Variants in NRXN2 observed in about 807,000 individuals in gnomAD.
The protein encoded by NRXN2 is neurexin-2-beta.
In NRXN2, 29 loss-of-function variants were observed where a neutral mutation model predicts 128.8. The ratio of observed to expected loss-of-function variants is 0.23; its 90% CI spans 0.17 to 0.31. NRXN2 has a LOEUF of 0.31. Ranked by LOEUF, NRXN2 falls within the 10% of genes least tolerant of loss-of-function variation. NRXN2 has a pLI of 1.00. For missense variants in NRXN2, 1,881 were observed against 2,452.6 expected (o/e 0.77, Z 4.92); for synonymous variants, 1,098 against 1,075.2 (o/e 1.02, Z -0.41).
intron 7 of NRXN2, among the ~76,000 whole-genome samples, chr11:64,673,051 C>A (rs542735603): frequency 6.9e-4 from 105 of 152,270 alleles, no homozygotes; most frequent in Non-Finnish European, 1.2e-3. Flanking sequence ...ACTCTGAGCA[C>A]CAAATGAGAA....
chr11:64,636,657 G>A (rs1259346736), intron 17 of NRXN2, among the ~76,000 whole-genome samples: 4 of 152,044 alleles, frequency 2.6e-5, no homozygotes, highest in Middle Eastern at 3.2e-3. Context: ...AAACAGATGA[G>A]GCCTAAGGGC....
chr11:64,669,309 C>G (rs2050318007), intron 7 of NRXN2, among the ~76,000 whole-genome samples: 1 of 152,176 alleles, frequency 6.6e-6, no homozygotes, highest in African/African-American at 2.4e-5. Context: ...CTCCTCAGGT[C>G]TCCTTATATT....
chr11:64,691,934 C>T (rs61884413), intron 4 of NRXN2, among the ~76,000 whole-genome samples: 17,238 of 152,216 alleles, frequency 0.11, 1,291 homozygotes, highest in Non-Finnish European at 0.15. Context: ...CTGAATTGGG[C>T]AGGTCCAACA....
chr11:64,704,433 T>G (rs937215082), intron 2 of NRXN2, among the ~76,000 whole-genome samples: 4 of 152,106 alleles, frequency 2.6e-5, no homozygotes, highest in Non-Finnish European at 5.9e-5. Flanking sequence ...ATAGGAGTCA[T>G]GGAGCTGTAA....
Position 64,635,862 on chromosome 11 carries a change from T to A in NRXN2, c.3404-410A>T, listed in dbSNP as rs1456814672. 6.6e-6 allele frequency among the ~76,000 whole-genome samples: 1 copy of A among 151,994 alleles called. No individual in the cohort carries two copies. Among genetic ancestry groups the A allele is most frequent in the Non-Finnish European group, 1.5e-5 (1 of 67,972 alleles). On this transcript the variant is annotated intron_variant, in intron 17 of 22. Transcript: ENST00000265459. The surrounding 1 kb of genome is among the most constrained non-coding windows in gnomAD (Gnocchi z 4.8). ...GCAGAGGTGACAGATCCAAGGTGTG[T>A]GCTTCTTTGGGGCCAGAGCTAAGCA... is the stretch of plus-strand genomic sequence containing the variant.
chr11:64,688,041 A>G (rs1204510016), intron 5 of NRXN2, among the ~76,000 whole-genome samples: 2 of 152,222 alleles, frequency 1.3e-5, no homozygotes, highest in Non-Finnish European at 2.9e-5. Context: ...GCAGTCAAAG[A>G]AAGTATCATT....
intron 8 of NRXN2, 100 bp downstream of exon 8, chr11:64,668,343 C>A: frequency 6.8e-7 from 1 of 1,477,140 alleles, no homozygotes; most frequent in South Asian, 1.2e-5. Context: ...TTGGAAGGAA[C>A]AGATGACCCA....
At chr11:64,704,549 C>T (rs138853712) in intron 2 of NRXN2, among the ~76,000 whole-genome samples, 32 of 151,428 alleles carry the variant, frequency 2.1e-4, no homozygotes, top group Non-Finnish European at 3.5e-4. Flanking sequence ...CTGTTAGTGA[C>T]ACACAATTCT....
At position 64,607,676 on chromosome 11, in the gene NRXN2, G is replaced by C. The variant is rs554953664; in HGVS notation, c.4659C>G (p.Pro1553=). The C allele has an allele frequency of 2.0e-6, 3 of 1,533,234 alleles. No individual in the cohort carries two copies. The highest frequency in any genetic ancestry group is 1.8e-6 in the Non-Finnish European group (2 of 1,136,432). 95.0% of individuals were successfully genotyped at this position (1,533,234 alleles called of 1,614,324 possible). The stretch of plus-strand genomic sequence containing the variant: ...CCGGCAGGTTGGGGGCCGGGGCGGA[G>C]GGGGCAAACAGCACCCCAGGGGCGC... ...ATGAPGVLFA[P]SAPAPNLPAG... Residue 1553 remains proline (P), a synonymous_variant, in exon 23 of 23, where the codon CCC becomes CCG. Transcript: ENST00000265459.
At position 64,608,015 on chromosome 11, in the gene NRXN2, G is replaced by A. The variant is rs1389780709; in HGVS notation, c.4320C>T (p.Ser1440=). ...AGGTAGGGGGCGGGGGCACGAAGGG[G>A]GATCGGGTGGCCACGGGAGGGGGGT... ...SLDPPPVATR[S]PFVPPPPTFY... The change falls in exon 23 of 23, where the codon TCC becomes TCT. Residue 1440 remains serine, a synonymous_variant. Transcript: ENST00000265459. 1 of 1,549,470 alleles carries A rather than the reference G, an allele frequency of 6.5e-7. No homozygotes were observed.
chr11:64,687,313 C>T (rs878933970), intron 5 of NRXN2, among the ~76,000 whole-genome samples: 14 of 151,764 alleles, frequency 9.2e-5, no homozygotes, highest in Admixed American at 6.6e-4. Flanking sequence ...GGGGTGGTGG[C>T]GGGGGGGGAG....
chr11:64,713,799 A>C lies in NRXN2; in HGVS notation c.-100T>G. ...AGGGGGCCGGGCGCTCCCCGCGCTG[A>C]GCGGGGCTCCCTTGCAGGCTCACAG... is the stretch of plus-strand genomic sequence containing the variant. On this transcript the variant is annotated 5_prime_UTR_variant, in exon 2 of 23. Coordinates refer to ENST00000265459, the MANE Select transcript of NRXN2 (RefSeq NM_015080.4). 1 of 664,274 alleles carries C rather than the reference A, an allele frequency of 1.5e-6. No individual in the cohort carries two copies. 41.1% of individuals were successfully genotyped at this position (664,274 alleles called of 1,614,324 possible).
chr11:64,625,174 C>T (rs1387102642), intron 20 of NRXN2, among the ~76,000 whole-genome samples: 1 of 152,220 alleles, frequency 6.6e-6, no homozygotes, highest in African/African-American at 2.4e-5. Flanking sequence ...ATTCCTCCCC[C>T]ACCCCCCAAC....
chr11:64,694,204 C>T (rs533472089), intron 3 of NRXN2, among the ~76,000 whole-genome samples: 2 of 152,338 alleles, frequency 1.3e-5, no homozygotes, highest in South Asian at 4.1e-4. Context: ...CCCAGCCCCA[C>T]TCACTCCCCT....
intron 22 of NRXN2, among the ~76,000 whole-genome samples, chr11:64,614,538 C>A (rs1356599475): frequency 2.6e-5 from 4 of 152,226 alleles, no homozygotes; most frequent in Non-Finnish European, 4.4e-5. Context: ...CAGCCAGGGA[C>A]CCCAGACAAA....
intron 17 of NRXN2, chr11:64,642,442 C>T: frequency 6.8e-7 from 1 of 1,465,230 alleles, no homozygotes; most frequent in South Asian, 1.4e-5. Flanking sequence ...TCGGCGTGCA[C>T]AGCTGGGGTG....
intron 17 of NRXN2, among the ~76,000 whole-genome samples, chr11:64,639,597 G>C (rs905710558): frequency 1.3e-5 from 2 of 152,122 alleles, no homozygotes; most frequent in African/African-American, 4.8e-5. Flanking sequence ...TAGGACCCAG[G>C]TGTGCCAGTC....
chr11:64,682,838 C>G lies in NRXN2; in HGVS notation c.1152+2808G>C, dbSNP rs143466676. 2.8e-3 allele frequency among the ~76,000 whole-genome samples: 431 copies of G among 152,284 alleles called. 2 individuals carry two copies. The highest frequency in any genetic ancestry group is 9.4e-3 in the African/African-American group (391 of 41,548). ...CAAGAGACACCTCTGGTCACAGTGA[C>G]CTCAAGGGCTGGATTTGAAAGGAGA... On this transcript the variant is annotated intron_variant, in intron 6 of 22. Transcript: ENST00000265459.
At position 64,630,254 on chromosome 11, in the gene NRXN2, G is replaced by A. The variant is rs2043689002; in HGVS notation, c.3757+148C>T. 3 of 744,078 alleles carry A rather than the reference G, an allele frequency of 4.0e-6. No individual in the cohort carries two copies. The East Asian group carries it at 8.9e-5, about 22-fold the overall frequency. The allele number at this position is 744,078 out of a possible 1,614,324, so 46.1% of individuals were successfully genotyped here. A position where few individuals can be genotyped will look rare whatever the true frequency, so the allele number is the denominator to read the frequency against. ...CACGCCCCTGCCCTAGTCCCGCCTC[G>A]CAAGCTTCGTCTCTCCAGTAGCCCC... On this transcript the variant is annotated intron_variant, in intron 19 of 22. Coordinates refer to ENST00000265459, the MANE Select transcript of NRXN2 (RefSeq NM_015080.4). The surrounding 1 kb of genome is among the most constrained non-coding windows in gnomAD (Gnocchi z 4.6).
Sources: gnomAD v4.1 joint callset for allele counts (sites outside exome capture counted in the v4.1 genomes callset) on GRCh38, gnomAD v4.1.1 for gene constraint, Gnocchi (gnomAD v3.1) non-coding constraint, MANE v1.5 for transcripts, NCBI Gene and HGNC (gene_info 2026-07-23, HGNC 2026-07-21) for gene names.